The following ACAD10 variants were observed in gnomAD, a reference collection of about 807,000 sequenced individuals.
ACAD10 encodes ACAD-10.
Under a neutral mutation model 116.8 loss-of-function variants are expected in ACAD10, and 112 were observed. That is an observed-to-expected ratio of 0.96 (90% CI 0.82 to 1.12). ACAD10 has a LOEUF of 1.12. ACAD10 is among the 50% of genes most tolerant of loss of function. The pLI is 0.00. For missense variants in ACAD10, 1,259 were observed against 1,350.2 expected (o/e 0.93, Z 1.06); for synonymous variants, 486 against 510.6 (o/e 0.95, Z 0.65).
intron 12 of ACAD10, among the ~76,000 whole-genome samples, chr12:111,742,407 TGG>T (rs1889771080): frequency 6.6e-6 from 1 of 152,220 alleles, no homozygotes; most frequent in Non-Finnish European, 1.5e-5. Flanking sequence ...CTGACTTCCC[TGG>T]GTTAGGTTCA....
intron 6 of ACAD10, 52 bp downstream of exon 6, chr12:111,712,709 G>T: frequency 6.3e-7 from 1 of 1,582,694 alleles, no homozygotes; most frequent in Non-Finnish European, 8.6e-7. Flanking sequence ...CGAAGGTTTT[G>T]GTCTGTTTCT....
intron 17 of ACAD10, 156 bp from the exon 18 acceptor site, chr12:111,749,017 T>C (rs753178332): frequency 1.2e-6 from 2 of 1,612,792 alleles, no homozygotes; most frequent in South Asian, 2.2e-5. Context: ...ACAGGCTGTT[T>C]CCTGCCGTCC....
rs987457271 is a variant in ACAD10 at position 111,721,844 on chromosome 12, G to A, written c.1061+105G>A. On this transcript the variant is annotated intron_variant, in intron 8 of 20. Coordinates refer to ENST00000313698, the MANE Select transcript of ACAD10 (RefSeq NM_025247.6). ...GTTAAAGACAAATAAAATTTGGGTA[G>A]GAGGGAAAAGAAACTTTATCACAAC... The A allele has an allele frequency of 6.4e-6, 6 of 937,710 alleles. No homozygotes were observed. The Admixed American group carries it at 1.2e-4, about 19-fold the overall frequency. The allele number at this position is 937,710 out of a possible 1,614,324, so 58.1% of individuals were successfully genotyped here. A position where few individuals can be genotyped will look rare whatever the true frequency, so the allele number is the denominator to read the frequency against.
chr12:111,697,520 T>G (rs1404360391), intron 2 of ACAD10, among the ~76,000 whole-genome samples: 1 of 150,674 alleles, frequency 6.6e-6, no homozygotes, highest in Non-Finnish European at 1.5e-5. Flanking sequence ...GCCACCATGC[T>G]TGGCTAATTT....
chr12:111,710,423 T>G, intron 5 of ACAD10: 1 of 352,302 alleles, frequency 2.8e-6, no homozygotes, highest in South Asian at 2.0e-5. Flanking sequence ...ATCGTCGAGC[T>G]GATGGGCCTG....
At chr12:111,696,424 T>C (rs1888191799) in intron 2 of ACAD10, among the ~76,000 whole-genome samples, 1 of 152,166 alleles carries the variant, frequency 6.6e-6, no homozygotes, top group South Asian at 2.1e-4. Flanking sequence ...TTGAAAAATA[T>C]CAAAACAAGA....
intron 7 of ACAD10, among the ~76,000 whole-genome samples, chr12:111,717,915 T>G (rs994347386): frequency 1.3e-5 from 2 of 152,130 alleles, no homozygotes; most frequent in African/African-American, 4.8e-5. Flanking sequence ...TTTCATCTTG[T>G]TTTAGATTTG....
At chr12:111,703,327 C>T (rs565986960) in intron 3 of ACAD10, among the ~76,000 whole-genome samples, 17 of 152,194 alleles carry the variant, frequency 1.1e-4, no homozygotes, top group African/African-American at 3.9e-4. Flanking sequence ...GAGCTGTCTA[C>T]ATAATGGCTT....
chr12:111,749,709 T>C, intron 18 of ACAD10: 2 of 183,784 alleles, frequency 1.1e-5, no homozygotes, highest in Non-Finnish European at 2.2e-5. Flanking sequence ...GGAGGGTTGC[T>C]TGAAGCCAAG....
At chr12:111,747,214 G>A in intron 15 of ACAD10, 28 bp downstream of exon 15, 2 of 1,608,158 alleles carry the variant, frequency 1.2e-6, no homozygotes, top group Non-Finnish European at 1.7e-6. Flanking sequence ...CCACCCACTT[G>A]CCTGGCCCTG....
intron 12 of ACAD10, among the ~76,000 whole-genome samples, chr12:111,739,485 G>T (rs1206894530): frequency 6.6e-6 from 1 of 152,202 alleles, no homozygotes; most frequent in African/African-American, 2.4e-5. Context: ...GGCTGGGCGT[G>T]GTGGCTCACG....
rs749288969 is a variant in ACAD10 at position 111,749,393 on chromosome 12, C to T, written c.2817+48C>T. ...AGCACTGACTCAGAACCACCACCTT[C>T]TGCTTTGCTGTCGGACTTCAATTCC... On this transcript the variant is annotated intron_variant, in intron 18 of 20. Transcript: ENST00000313698. The T allele has an allele frequency of 3.2e-6, 5 of 1,572,974 alleles. No homozygotes were observed. In the Admixed American group the frequency reaches 8.9e-5, roughly 28 times the overall value.
chr12:111,745,839 T>C (rs909341105), intron 13 of ACAD10, among the ~76,000 whole-genome samples: 14 of 146,076 alleles, frequency 9.6e-5, no homozygotes, highest in African/African-American at 3.5e-4. Flanking sequence ...CTCTCTCTTT[T>C]TTTTTTTTTT....
Position 111,715,817 on chromosome 12 carries a change from G to A in ACAD10, c.851-4G>A, listed in dbSNP as rs1209454230. 6.2e-7 allele frequency: 1 copy of A among 1,614,156 alleles called. No homozygotes were observed. Among genetic ancestry groups the A allele is most frequent in the South Asian group, 1.1e-5 (1 of 91,080 alleles). On this transcript the variant is annotated splice_polypyrimidine_tract_variant and splice_region_variant and intron_variant, in intron 6 of 20. Coordinates refer to ENST00000313698, the MANE Select transcript of ACAD10 (RefSeq NM_025247.6). ...TTGAGTTTTCTTTGTTTTCAAACTTGCAGGCCCATTGGAACTACTTCAGTT... is the reference window on the plus strand; with the variant it reads ...TTGAGTTTTCTTTGTTTTCAAACTTACAGGCCCATTGGAACTACTTCAGTT...
intron 10 of ACAD10, 98 bp downstream of exon 10, chr12:111,730,054 T>C: frequency 6.8e-7 from 1 of 1,465,100 alleles, no homozygotes. Context: ...CTGGGAATTA[T>C]TCCTATTACA....
At position 111,734,436 on chromosome 12, in the gene ACAD10, G is replaced by A. The variant is rs1217487738; in HGVS notation, c.1540+368G>A. On this transcript the variant is annotated intron_variant, in intron 11 of 20. Transcript: ENST00000313698. ...AGGTCAGGAGTTCCAGACCAGCCTG[G>A]CCAACATGGTGAACCCTGTCTCTAC... 1.3e-5 allele frequency among the ~76,000 whole-genome samples: 2 copies of A among 152,122 alleles called. 1 individual carries two copies.
intron 9 of ACAD10, 41 bp downstream of exon 9, chr12:111,728,184 A>G (rs1290500553): frequency 6.5e-7 from 1 of 1,541,814 alleles, no homozygotes; most frequent in Non-Finnish European, 8.8e-7. Flanking sequence ...TTGTTTCATC[A>G]CTAGTGCTTC....
At chr12:111,742,817 C>G (rs1889783054) in intron 12 of ACAD10, among the ~76,000 whole-genome samples, 1 of 152,164 alleles carries the variant, frequency 6.6e-6, no homozygotes, top group South Asian at 2.1e-4. Flanking sequence ...TCAAGCGATT[C>G]TCCTGCCTCA....
intron 12 of ACAD10, among the ~76,000 whole-genome samples, chr12:111,743,439 T>A (rs773778277): frequency 2.9e-4 from 44 of 150,790 alleles, no homozygotes; most frequent in Non-Finnish European, 4.7e-4. Flanking sequence ...CGGGTTCAAG[T>A]GATTCTCCTA....
Sources: allele counts gnomAD v4.1 joint callset (sites outside exome capture counted in the v4.1 genomes callset), GRCh38; gene constraint gnomAD v4.1.1; transcripts MANE v1.5; gene names NCBI Gene and HGNC (gene_info 2026-07-23, HGNC 2026-07-21).